The following CEP350 variants were observed in gnomAD, a reference collection of about 807,000 sequenced individuals.
The protein encoded by CEP350 is centrosome-associated protein 350.
CEP350 carries 126 observed loss-of-function variants against 331.8 expected under a neutral mutation model. The ratio of observed to expected loss-of-function variants is 0.38; its 90% confidence interval spans 0.33 to 0.44. The LOEUF (loss-of-function observed/expected upper bound fraction) is 0.44. Among genes scored for constraint, CEP350 ranks in the 20% least tolerant of loss-of-function variants. CEP350 has a pLI of 1.00. For synonymous variants in CEP350, 1,200 were observed against 1,259.5 expected, an observed-to-expected ratio of 0.95 and a Z score of 1.00; for missense variants, 3,406 against 3,634.6, an observed-to-expected ratio of 0.94 and a Z score of 1.62.
chr1:180,082,833 G>A lies in CEP350; in HGVS notation c.6125-1185G>A, dbSNP rs559087521. Among the ~76,000 whole-genome samples, 8 of 152,152 alleles carry A rather than the reference G, an allele frequency of 5.3e-5. No homozygotes were observed. The East Asian group carries it at 1.4e-3, about 26-fold the overall frequency. ...GAAACTAAGCCTGTAAGAGTGTAGT[G>A]GTGTACAAAATCTTACCAAAATAAT... On this transcript the variant is annotated intron_variant, in intron 30 of 37. Transcript: ENST00000367607.
At chr1:179,977,373 A>G (rs1178208321) in intron 1 of CEP350, among the ~76,000 whole-genome samples, 2 of 152,200 alleles carry the variant, frequency 1.3e-5, no homozygotes, top group African/African-American at 4.8e-5. Flanking sequence ...GAAAAATGTT[A>G]GAGTTGAAGG....
chr1:180,034,180 A>G, intron 16 of CEP350, 98 bp downstream of exon 16: 1 of 1,337,016 alleles, frequency 7.5e-7, no homozygotes, highest in South Asian at 1.5e-5. Flanking sequence ...ATAGAGAAAT[A>G]TTATTTCAAG....
chr1:180,095,358 CT>C (rs1660423991), intron 34 of CEP350, among the ~76,000 whole-genome samples, 164 bp from the exon 35 acceptor site: 1 of 151,994 alleles, frequency 6.6e-6, no homozygotes, highest in African/African-American at 2.4e-5. Context: ...AACAGGATAA[CT>C]TTTTCTTAGA....
chr1:180,094,561 C>G lies in CEP350; in HGVS notation c.8456C>G (p.Ser2819Cys). The G allele has an allele frequency of 6.2e-7, 1 of 1,613,882 alleles. No individual in the cohort carries two copies. Among genetic ancestry groups the G allele is most frequent in the Non-Finnish European group, 8.5e-7 (1 of 1,179,836 alleles). Residue 2819 changes from serine to cysteine, a missense_variant, in exon 34 of 38, where the codon TCT (serine) becomes TGT (cysteine). Physicochemically the swap from Ser to Cys is moderately radical, Grantham distance 112 (BLOSUM62 -1). Transcript: ENST00000367607. ...SPSISGCFLS[S>C]ELEDEKEEIS... ...AGTATTTCAGGTTGCTTCTTAAGTT[C>G]TGAATTGGAAGATGAAAAAGAAGAG...
chr1:179,982,626 T>C (rs1298089900), intron 1 of CEP350, among the ~76,000 whole-genome samples: 1 of 152,214 alleles, frequency 6.6e-6, no homozygotes, highest in African/African-American at 2.4e-5. Context: ...CATTGGAAAA[T>C]TGATAATCAC....
At chr1:180,051,565 A>G (rs1186763377) in intron 22 of CEP350, among the ~76,000 whole-genome samples, 1 of 152,222 alleles carries the variant, frequency 6.6e-6, no homozygotes, top group Admixed American at 6.5e-5. Flanking sequence ...GTATTTGTCA[A>G]AACCTTGAAA....
At chr1:179,980,222 C>G (rs973778088) in intron 1 of CEP350, among the ~76,000 whole-genome samples, 1 of 151,710 alleles carries the variant, frequency 6.6e-6, no homozygotes, top group Non-Finnish European at 1.5e-5. Flanking sequence ...CAGTGTTTTA[C>G]AGTTTCCTTT....
At position 180,092,746 on chromosome 1, in the gene CEP350, A is replaced by G; in HGVS notation, c.6641A>G (p.Lys2214Arg). 6.2e-7 allele frequency: 1 copy of G among 1,603,122 alleles called. No homozygotes were observed. Among genetic ancestry groups the G allele is most frequent in the East Asian group, 2.2e-5 (1 of 44,690 alleles). The part of the protein sequence containing the change: ...TPSPVLRSSR[K>R]IREESGDSLE... ...TCTCCAGTTCTCAGATCATCAAGGA[A>G]AATCAGAGAAGAATCTGGAGATTCT... The change falls in exon 34 of 38, where the codon AAA (lysine) becomes AGA (arginine). Residue 2214 changes from lysine to arginine, a missense_variant. Around this residue, in one of 5 missense-constraint regions of CEP350, gnomAD observed 1,415 missense variants for 1,512.3 expected, o/e 0.94. Transcript: ENST00000367607.
At chr1:179,973,505 AT>A (rs1417098372) in intron 1 of CEP350, among the ~76,000 whole-genome samples, 6 of 152,066 alleles carry the variant, frequency 3.9e-5, no homozygotes, top group Non-Finnish European at 2.9e-5. Context: ...TGTATTTCTT[AT>A]ACTTTTTTTT....
chr1:179,960,093 A>G (rs116435576), intron 1 of CEP350, among the ~76,000 whole-genome samples: 2,410 of 152,320 alleles, frequency 0.016, 54 homozygotes, highest in South Asian at 0.071. Flanking sequence ...TCAGTTCAGG[A>G]TGGCAGGTGG....
intron 26 of CEP350, 138 bp downstream of exon 26, chr1:180,062,504 C>A: frequency 8.7e-7 from 1 of 1,152,396 alleles, no homozygotes; most frequent in Non-Finnish European, 1.1e-6. Flanking sequence ...ATGGATGGGC[C>A]AGTCTTAGTC....
At chr1:180,010,256 C>A (rs892156995) in intron 8 of CEP350, among the ~76,000 whole-genome samples, 1 of 151,956 alleles carries the variant, frequency 6.6e-6, no homozygotes, top group South Asian at 2.1e-4. Context: ...TTAGTTACTT[C>A]CGATACTATA....
chr1:180,104,052 A>G (rs1661006294), intron 37 of CEP350, among the ~76,000 whole-genome samples: 1 of 147,826 alleles, frequency 6.8e-6, no homozygotes, highest in South Asian at 2.1e-4. Context: ...ATATACAAAT[A>G]TATATTTTAA....
At position 180,015,960 on chromosome 1, in the gene CEP350, C is replaced by T; in HGVS notation, c.2164C>T (p.Pro722Ser). ...CATGTCTCTCTCAGAACCTCCACAG[C>T]CTCTTGCAAGGTAAAAAGGGAAGAA... is the stretch of plus-strand genomic sequence containing the variant. Reference protein sequence around the residue: ...SDMSLSEPPQPLARKDLMEST... With the variant: ...SDMSLSEPPQSLARKDLMEST... Residue 722 changes from proline to serine, a missense_variant, in exon 11 of 38, where the codon CCT becomes TCT. Physicochemically the swap from Pro to Ser is moderately conservative, Grantham distance 74 (BLOSUM62 -1). Coordinates refer to ENST00000367607, the MANE Select transcript of CEP350 (RefSeq NM_014810.5). The T allele has an allele frequency of 1.2e-6, 2 of 1,613,662 alleles. No homozygotes were observed. Among genetic ancestry groups the T allele is most frequent in the Non-Finnish European group, 1.7e-6 (2 of 1,179,706 alleles).
At chr1:179,971,049 G>C (rs1348034562) in intron 1 of CEP350, among the ~76,000 whole-genome samples, 1 of 143,644 alleles carries the variant, frequency 7.0e-6, no homozygotes, top group Non-Finnish European at 1.5e-5. Flanking sequence ...TTTTTTTTGA[G>C]ACAGAGTCTT....
intron 1 of CEP350, among the ~76,000 whole-genome samples, chr1:179,965,781 T>C (rs1360479662): frequency 6.6e-6 from 1 of 150,414 alleles, no homozygotes; most frequent in Non-Finnish European, 1.5e-5. Flanking sequence ...CCACCACACC[T>C]GGCTAATTTT....
At position 179,992,112 on chromosome 1, in the gene CEP350, A is replaced by T; in HGVS notation, c.286A>T (p.Thr96Ser). 3 of 1,554,222 alleles carry T rather than the reference A, an allele frequency of 1.9e-6. No homozygotes were observed. Among genetic ancestry groups the T allele is most frequent in the Non-Finnish European group, 1.7e-6 (2 of 1,152,232 alleles). Residue 96 changes from threonine to serine, a missense_variant, in exon 5 of 38, where the codon ACT becomes TCT. By Grantham distance (58) the Thr-to-Ser change is moderately conservative. Coordinates refer to ENST00000367607, the MANE Select transcript of CEP350 (RefSeq NM_014810.5). Reference sequence around the variant, plus strand: ...GGTTAATGCTCCAATCTCCAAATCCACTAAATCACGAAAAGAGAAATCTCG... The same window carrying T: ...GGTTAATGCTCCAATCTCCAAATCCTCTAAATCACGAAAAGAGAAATCTCG... ...SWVNAPISKS[T>S]KSRKEKSRSP...
chr1:180,081,778 T>G lies in CEP350; in HGVS notation c.6124+1117T>G, dbSNP rs573766925. Reference sequence around the variant, plus strand: ...TAGAAAAGGTGTAGTAAAAATATTATGACTCACATGTGTATGTGATATCAT... The same window carrying G: ...TAGAAAAGGTGTAGTAAAAATATTAGGACTCACATGTGTATGTGATATCAT... On this transcript the variant is annotated intron_variant, in intron 30 of 37. Coordinates refer to ENST00000367607, the MANE Select transcript of CEP350 (RefSeq NM_014810.5). Among the ~76,000 whole-genome samples the G allele has an allele frequency of 3.3e-5, 5 of 152,348 alleles. No homozygotes were observed. The East Asian group carries it at 9.6e-4, about 29-fold the overall frequency.
rs35725488 is a variant in CEP350 at position 180,096,082 on chromosome 1, T to C, written c.8964T>C (p.Ala2988=). The C allele has an allele frequency of 9.0e-6, 14 of 1,554,874 alleles. No individual in the cohort carries two copies. In the African/African-American group the frequency reaches 1.9e-4, roughly 21 times the overall value. The change falls in exon 36 of 38, where the codon GCT becomes GCC. Residue 2988 remains alanine (A), a synonymous_variant. Transcript: ENST00000367607. The stretch of plus-strand genomic sequence containing the variant: ...AAGAGATTTTTGAGGAAATATTTGC[T>C]GAGGATCCCAACTTAAATCAACCTG... The part of the protein sequence containing the change: ...LTKEIFEEIF[A]EDPNLNQPVW...
Sources: gnomAD v4.1 joint callset for allele counts (sites outside exome capture counted in the v4.1 genomes callset) on GRCh38, gnomAD v4.1.1 for gene constraint, gnomAD v4.1.1 regional missense constraint, MANE v1.5 for transcripts, NCBI Gene and HGNC (gene_info 2026-07-23, HGNC 2026-07-21) for gene names.